ANKRD18B: variants seen among roughly 807,000 people sequenced by gnomAD.
ANKRD18B encodes ankyrin repeat domain-containing protein 18B.
A neutral mutation model predicts 111.8 loss-of-function variants in ANKRD18B; 75 were observed. The ratio of observed to expected loss-of-function variants is 0.67; its 90% CI spans 0.56 to 0.81. The LOEUF (loss-of-function observed/expected upper bound fraction) is 0.81. ANKRD18B is among the 40% of genes least tolerant of loss of function. The probability of loss-of-function intolerance (pLI) is 0.00; values close to 1 mark genes in which losing one functional copy is unlikely to be tolerated. For synonymous variants in ANKRD18B, 356 were observed against 417.3 expected (o/e 0.85, Z 1.79); for missense variants, 1,038 against 1,225.5 (o/e 0.85, Z 2.28).
At position 33,548,718 on chromosome 9, in the gene ANKRD18B, G is replaced by A. The variant is rs1314233550; in HGVS notation, c.1930G>A (p.Val644Ile). The change falls in exon 11 of 19, where the codon GTC becomes ATC. Residue 644 changes from valine (V) to isoleucine (I), a missense_variant. Coordinates refer to ENST00000684830, the MANE Select transcript of ANKRD18B (RefSeq NM_001393611.1). The stretch of plus-strand genomic sequence containing the variant: ...TAAGGAAGGTGATAATAAAGAGATA[G>A]TCATTAATATCCACAGAGACTGTCT... The part of the protein sequence containing the change: ...ARKEGDNKEI[V>I]INIHRDCLEN... The A allele has an allele frequency of 6.4e-6, 10 of 1,550,980 alleles. No individual in the cohort carries two copies. Among genetic ancestry groups the A allele is most frequent in the African/African-American group, 2.7e-5 (2 of 73,004 alleles).
chr9:33,524,532 C>G lies in ANKRD18B; in HGVS notation c.43C>G (p.Leu15Val), dbSNP rs1827996182. Reference protein sequence around the residue: ...LSFGRRLGQALLSSMDQEYAG... With the variant: ...LSFGRRLGQAVLSSMDQEYAG... Reference sequence around the variant, plus strand: ...TTTTGGGAGACGCCTGGGCCAGGCGCTCCTGAGCTCCATGGACCAAGAGTA... The same window carrying G: ...TTTTGGGAGACGCCTGGGCCAGGCGGTCCTGAGCTCCATGGACCAAGAGTA... The change falls in exon 1 of 19, where the codon CTC becomes GTC. Residue 15 changes from leucine to valine, a missense_variant. Transcript: ENST00000684830. 3 of 1,551,272 alleles carry G rather than the reference C, an allele frequency of 1.9e-6. No individual in the cohort carries two copies. The highest frequency in any genetic ancestry group is 1.7e-6 in the Non-Finnish European group (2 of 1,146,792).
At position 33,528,751 on chromosome 9, in the gene ANKRD18B, C is replaced by T; in HGVS notation, c.231C>T (p.Ala77=). The part of the protein sequence containing the change: ...KDRTVLHLAC[A]HGRVQVVTLL... ...GGACTGTTCTACATTTGGCCTGTGC[C>T]CATGGCCGTGTGCAAGTGGTCACTC... Residue 77 remains alanine, a synonymous_variant, in exon 2 of 19, where the codon GCC becomes GCT. Coordinates refer to ENST00000684830, the MANE Select transcript of ANKRD18B (RefSeq NM_001393611.1). 3 of 1,612,922 alleles carry T rather than the reference C, an allele frequency of 1.9e-6. No homozygotes were observed. Among genetic ancestry groups the T allele is most frequent in the Non-Finnish European group, 2.5e-6 (3 of 1,179,512 alleles).
rs1828682364 is a variant in ANKRD18B at position 33,566,306 on chromosome 9, T to C, written c.2548T>C (p.Leu850=). 2 of 1,561,844 alleles carry C rather than the reference T, an allele frequency of 1.3e-6. No homozygotes were observed. The highest frequency in any genetic ancestry group is 1.7e-6 in the Non-Finnish European group (2 of 1,150,760). The change falls in exon 15 of 19, where the codon TTA becomes CTA. Residue 850 remains leucine, a synonymous_variant. Transcript: ENST00000684830. The part of the protein sequence containing the change: ...KDNEVLHQEL[L]SMGKVQEKCE... ...CAATGAAGTTCTTCATCAGGAGTTATTATCTATGGGAAAAGTACAAGAGAA... is the reference window on the plus strand; with the variant it reads ...CAATGAAGTTCTTCATCAGGAGTTACTATCTATGGGAAAAGTACAAGAGAA...
chr9:33,559,674 A>T (rs1004378146), intron 14 of ANKRD18B, among the ~76,000 whole-genome samples: 6 of 152,076 alleles, frequency 3.9e-5, no homozygotes, highest in African/African-American at 1.4e-4. Flanking sequence ...ATATGTATAT[A>T]TTTTTCTATA....
At chr9:33,557,474 T>C (rs1249277084) in intron 13 of ANKRD18B, among the ~76,000 whole-genome samples, 2 of 152,214 alleles carry the variant, frequency 1.3e-5, no homozygotes, top group African/African-American at 4.8e-5. Flanking sequence ...AAAATGGATA[T>C]GAATAGTTTA....
At chr9:33,555,115 T>C (rs991131628) in intron 12 of ANKRD18B, among the ~76,000 whole-genome samples, 1 of 151,106 alleles carries the variant, frequency 6.6e-6, no homozygotes, top group African/African-American at 2.4e-5. Flanking sequence ...AACAGGATAA[T>C]AGAAAAGCCA....
chr9:33,533,577 T>C, intron 4 of ANKRD18B, 32 bp downstream of exon 4: 1 of 1,526,242 alleles, frequency 6.6e-7, no homozygotes, highest in Non-Finnish European at 8.8e-7. Flanking sequence ...GTTTTCTTTT[T>C]TCCTAAAAAC....
intron 10 of ANKRD18B, among the ~76,000 whole-genome samples, chr9:33,544,329 T>C (rs1239520364): frequency 2.6e-5 from 4 of 152,196 alleles, no homozygotes; most frequent in Non-Finnish European, 4.4e-5. Context: ...AGTTTCACAG[T>C]TGAGTTTTAA....
At chr9:33,574,751 C>T (rs1475609880), downstream of ANKRD18B, among the ~76,000 whole-genome samples, 1 of 152,192 alleles carries the variant, frequency 6.6e-6, no homozygotes, top group Non-Finnish European at 1.5e-5. Context: ...TACAGACACA[C>T]ACAAACACAT....
Position 33,536,864 on chromosome 9 carries a change from T to C in ANKRD18B, c.741-14T>C, listed in dbSNP as rs1184918010. The C allele has an allele frequency of 7.2e-7, 1 of 1,396,904 alleles. No individual in the cohort carries two copies. Among genetic ancestry groups the C allele is most frequent in the East Asian group, 2.7e-5 (1 of 37,568 alleles). The allele number at this position is 1,396,904 out of a possible 1,614,324, so 86.5% of individuals were successfully genotyped here. A position where few individuals can be genotyped will look rare whatever the true frequency, so the allele number is the denominator to read the frequency against. ...CTATTAAAATACTAATTTTATTACATTTATTATGCATAGCATCCAACAACA... is the reference window on the plus strand; with the variant it reads ...CTATTAAAATACTAATTTTATTACACTTATTATGCATAGCATCCAACAACA... On this transcript the variant is annotated splice_polypyrimidine_tract_variant and intron_variant, in intron 5 of 18. Coordinates refer to ENST00000684830, the MANE Select transcript of ANKRD18B (RefSeq NM_001393611.1).
chr9:33,547,662 AT>A (rs1477306725), intron 10 of ANKRD18B, among the ~76,000 whole-genome samples: 1 of 149,952 alleles, frequency 6.7e-6, no homozygotes, highest in Non-Finnish European at 1.5e-5. Flanking sequence ...CAATTCTGAT[AT>A]TCTTAAAAAT....
At chr9:33,533,597 C>G in intron 4 of ANKRD18B, 52 bp downstream of exon 4, 1 of 1,505,840 alleles carries the variant, frequency 6.6e-7, no homozygotes, top group Non-Finnish European at 8.9e-7. Flanking sequence ...CCTGAGTGTT[C>G]TAGAGTGGTA....
chr9:33,549,915 T>C (rs12377320), intron 11 of ANKRD18B, among the ~76,000 whole-genome samples: 27,819 of 152,168 alleles, frequency 0.18, 3,151 homozygotes, highest in Non-Finnish European at 0.24. Context: ...TTCTTTCCAG[T>C]ACAAAGATAC....
chr9:33,539,104 A>G (rs1828242497), intron 6 of ANKRD18B, among the ~76,000 whole-genome samples: 1 of 152,232 alleles, frequency 6.6e-6, no homozygotes, highest in Middle Eastern at 3.2e-3. Context: ...AATAATAACT[A>G]TCATGTATCT....
Position 33,541,196 on chromosome 9 carries a change from A to G in ANKRD18B, c.1047A>G (p.Lys349=). The change falls in exon 9 of 19, where the codon AAA becomes AAG. Residue 349 remains lysine (K), a synonymous_variant. Transcript: ENST00000684830. ...PENLKKRKKR[K]KLKKRKEGAK... ...ATTTGAAAAAAAGAAAAAAAAGAAA[A>G]AAATTGAAAAAAAGAAAAGAAGGTG... is the stretch of plus-strand genomic sequence containing the variant. The G allele has an allele frequency of 6.5e-7, 1 of 1,544,714 alleles. No homozygotes were observed. Among genetic ancestry groups the G allele is most frequent in the Non-Finnish European group, 8.7e-7 (1 of 1,144,424 alleles).
chr9:33,563,488 ATC>A (rs1317707630), intron 14 of ANKRD18B, among the ~76,000 whole-genome samples: 1 of 151,496 alleles, frequency 6.6e-6, no homozygotes, highest in East Asian at 1.9e-4. Flanking sequence ...TTGTGGACTG[ATC>A]TCTCTCACAA....
At chr9:33,545,156 A>T (rs1421988339) in intron 10 of ANKRD18B, among the ~76,000 whole-genome samples, 1 of 152,214 alleles carries the variant, frequency 6.6e-6, no homozygotes, top group African/African-American at 2.4e-5. Flanking sequence ...ATTCAAATGA[A>T]AATAGATCAG....
chr9:33,531,417 T>C (rs1828114746), intron 3 of ANKRD18B, among the ~76,000 whole-genome samples: 1 of 152,154 alleles, frequency 6.6e-6, no homozygotes, highest in African/African-American at 2.4e-5. Flanking sequence ...AAATGTGGTG[T>C]ATAGATTTGT....
chr9:33,569,006 T>A, intron 17 of ANKRD18B, 113 bp downstream of exon 17: 1 of 1,010,792 alleles, frequency 9.9e-7, no homozygotes, highest in Non-Finnish European at 1.4e-6. Context: ...AAGTAAAGAT[T>A]ATAATTAGCT....
Sources: allele counts gnomAD v4.1 joint callset (sites outside exome capture counted in the v4.1 genomes callset), GRCh38; gene constraint gnomAD v4.1.1; transcripts MANE v1.5; gene names NCBI Gene and HGNC (gene_info 2026-07-23, HGNC 2026-07-21).